PDE4D: variants seen among roughly 807,000 people sequenced by gnomAD.
PDE4D encodes phosphodiesterase 4D.
Under a neutral mutation model 87.4 loss-of-function variants are expected in PDE4D, and 24 were observed. That is an observed-to-expected ratio of 0.27 (90% CI 0.20 to 0.39). The LOEUF (loss-of-function observed/expected upper bound fraction) is 0.39. Ranked by LOEUF, PDE4D falls within the 10% of genes least tolerant of loss-of-function variation. The probability of loss-of-function intolerance (pLI) is 1.00; values close to 1 mark genes in which losing one functional copy is unlikely to be tolerated. For synonymous variants in PDE4D, 384 were observed against 383.2 expected (o/e 1.00, Z -0.02); for missense variants, 714 against 1,041.0 (o/e 0.69, Z 4.32).
At chr5:59,031,220 T>A (rs1561346666) in intron 6 of PDE4D, among the ~76,000 whole-genome samples, 1 of 151,884 alleles carries the variant, frequency 6.6e-6, no homozygotes, top group Non-Finnish European at 1.5e-5. Context: ...CCAACAATCC[T>A]ACTTCTAGGT....
At chr5:60,445,261 A>G (rs1471617186) in intron 1 of PDE4D, among the ~76,000 whole-genome samples, 1 of 152,200 alleles carries the variant, frequency 6.6e-6, no homozygotes, top group Non-Finnish European at 1.5e-5. Context: ...GTTTAACTGC[A>G]TTACAGTAAT....
chr5:60,258,665 G>T (rs887820615), intron 1 of PDE4D, among the ~76,000 whole-genome samples: 1 of 150,594 alleles, frequency 6.6e-6, no homozygotes, highest in Non-Finnish European at 1.5e-5. Flanking sequence ...AAATAATGAA[G>T]GCAAAACCTC....
intron 2 of PDE4D, among the ~76,000 whole-genome samples, chr5:60,080,455 T>C (rs1773801480): frequency 1.3e-5 from 2 of 152,218 alleles, no homozygotes; most frequent in African/African-American, 2.4e-5. Flanking sequence ...CCTTGTCTTG[T>C]ACCAGTTTTC....
intron 1 of PDE4D, among the ~76,000 whole-genome samples, chr5:59,837,159 A>T (rs1288309163): frequency 1.3e-5 from 2 of 152,034 alleles, no homozygotes; most frequent in Non-Finnish European, 2.9e-5. Flanking sequence ...CACACTTATT[A>T]TGTAAATGTG....
chr5:59,839,880 C>T (rs1742710489), intron 1 of PDE4D, among the ~76,000 whole-genome samples: 2 of 152,008 alleles, frequency 1.3e-5, no homozygotes. Flanking sequence ...CTGGACTGCT[C>T]CAGTCAGGCT....
At chr5:59,970,423 C>T (rs1426686534) in intron 3 of PDE4D, among the ~76,000 whole-genome samples, 2 of 152,006 alleles carry the variant, frequency 1.3e-5, no homozygotes, top group African/African-American at 4.8e-5. Flanking sequence ...AACAGGCAAC[C>T]TACAAAATGG....
chr5:60,508,685 T>C (rs1750427467), intron 1 of PDE4D, among the ~76,000 whole-genome samples: 1 of 152,242 alleles, frequency 6.6e-6, no homozygotes, highest in South Asian at 2.1e-4. Flanking sequence ...AAGATCAGGT[T>C]TCTGCAAGTT....
chr5:59,513,404 C>T (rs1810589132), intron 1 of PDE4D, among the ~76,000 whole-genome samples: 1 of 152,104 alleles, frequency 6.6e-6, no homozygotes, highest in South Asian at 2.1e-4. Context: ...AAAAATAATG[C>T]ATTACATTAA....
chr5:59,804,936 C>T (rs771462264), intron 1 of PDE4D, among the ~76,000 whole-genome samples: 9 of 152,086 alleles, frequency 5.9e-5, no homozygotes, highest in Admixed American at 1.3e-4. Context: ...GGACTACAGG[C>T]GCACACCACC....
intron 1 of PDE4D, among the ~76,000 whole-genome samples, chr5:59,408,271 T>C (rs1334752247): frequency 6.6e-6 from 1 of 152,222 alleles, no homozygotes; most frequent in Non-Finnish European, 1.5e-5. Context: ...GCCTCAGGTA[T>C]GGCTCAGGTT....
chr5:60,129,284 ACTT>A (rs980480305), intron 2 of PDE4D, among the ~76,000 whole-genome samples: 8 of 152,358 alleles, frequency 5.3e-5, no homozygotes, highest in African/African-American at 1.9e-4. Flanking sequence ...CTTAATCATA[ACTT>A]CTTCTTTAAG....
intron 1 of PDE4D, among the ~76,000 whole-genome samples, chr5:59,343,028 ACAATGGTAAAT>A (rs1335927927): frequency 1.4e-5 from 2 of 147,500 alleles, no homozygotes; most frequent in Non-Finnish European, 3.0e-5. Context: ...CAGGTTTGTT[ACAATGGTAAAT>A]TCGTGTCATG....
At chr5:59,934,950 A>G (rs771658683) in intron 3 of PDE4D, among the ~76,000 whole-genome samples, 27 of 152,154 alleles carry the variant, frequency 1.8e-4, no homozygotes, top group Non-Finnish European at 3.1e-4. Flanking sequence ...TGTCAGAATA[A>G]AGAGTTAAAA....
At chr5:59,203,004 A>G (rs1435312087) in intron 2 of PDE4D, among the ~76,000 whole-genome samples, 1 of 152,198 alleles carries the variant, frequency 6.6e-6, no homozygotes, top group Non-Finnish European at 1.5e-5. Flanking sequence ...TGGCAAAAAA[A>G]CAAATAACCT....
chr5:59,014,568 A>T (rs545412473), intron 6 of PDE4D, among the ~76,000 whole-genome samples: 4 of 152,248 alleles, frequency 2.6e-5, no homozygotes, highest in East Asian at 3.9e-4. Flanking sequence ...ATAAAATACC[A>T]AGGAATCCAA....
At chr5:59,848,166 T>G (rs1038024752) in intron 1 of PDE4D, among the ~76,000 whole-genome samples, 1 of 152,032 alleles carries the variant, frequency 6.6e-6, no homozygotes, top group Non-Finnish European at 1.5e-5. Context: ...TAAGAGTCAC[T>G]GGTCACCTAA....
chr5:60,076,259 C>T lies in PDE4D; in HGVS notation c.43-87542G>A, dbSNP rs193251438. On this transcript the variant is annotated intron_variant, in intron 2 of 16. Coordinates refer to the PDE4D transcript ENST00000502484. ...CTGCAAGCTCCGTCTCCCGTGTTCA[C>T]GCCATTCTCCTGCCTCAGCCTCCCG... is the stretch of plus-strand genomic sequence containing the variant. Among the ~76,000 whole-genome samples, 886 of 152,034 alleles carry T rather than the reference C, an allele frequency of 5.8e-3. 11 individuals carry two copies. Among genetic ancestry groups the T allele is most frequent in the African/African-American group, 0.02 (846 of 41,462 alleles).
intron 1 of PDE4D, among the ~76,000 whole-genome samples, chr5:59,600,671 T>G (rs1424659498): frequency 6.6e-6 from 1 of 152,176 alleles, no homozygotes; most frequent in East Asian, 1.9e-4. Flanking sequence ...AGGAAGTTTA[T>G]GTTTCCTCAC....
intron 1 of PDE4D, among the ~76,000 whole-genome samples, chr5:59,258,827 T>C (rs1761461308): frequency 6.6e-6 from 1 of 150,830 alleles, no homozygotes; most frequent in Non-Finnish European, 1.5e-5. Context: ...AAGAAGACTA[T>C]GTCAAAGAAG....
Sources: allele counts gnomAD v4.1 joint callset (sites outside exome capture counted in the v4.1 genomes callset), GRCh38; gene constraint gnomAD v4.1.1; transcripts MANE v1.5; gene names NCBI Gene and HGNC (gene_info 2026-07-23, HGNC 2026-07-21).